CIBAR1: variants seen among roughly 807,000 people sequenced by gnomAD.
CIBAR1 encodes the protein CBY1 interacting BAR domain containing 1.
In CIBAR1, 25 loss-of-function variants were observed where a neutral mutation model predicts 44.0. The observed-to-expected ratio is 0.57, with a 90% CI of 0.41 to 0.79. The LOEUF (loss-of-function observed/expected upper bound fraction) is 0.79. Among genes scored for constraint, CIBAR1 ranks in the 30% least tolerant of loss-of-function variants. The pLI is 0.00. For missense variants in CIBAR1, 278 were observed against 344.8 expected, an observed-to-expected ratio of 0.81 and a Z score of 1.53; for synonymous variants, 115 against 119.0, an observed-to-expected ratio of 0.97 and a Z score of 0.22.
In CIBAR1 at chr8:93,709,672, A is replaced by G. The variant is rs773760672; in HGVS notation, c.439-99A>G. 15 of 905,180 alleles carry G rather than the reference A, an allele frequency of 1.7e-5. No homozygotes were observed. In the African/African-American group the frequency reaches 1.8e-4, roughly 11 times the overall value. The allele number at this position is 905,180 out of a possible 1,614,324, so 56.1% of individuals were successfully genotyped here. On this transcript the variant is annotated intron_variant, in intron 5 of 8. Transcript: ENST00000518322. Reference sequence around the variant, plus strand: ...ATTAACAATTTACACTGTTATGCCAAAAAGCCAGTACTGCAATGGTAGAAT... The same window carrying G: ...ATTAACAATTTACACTGTTATGCCAGAAAGCCAGTACTGCAATGGTAGAAT...
intron 7 of CIBAR1, among the ~76,000 whole-genome samples, chr8:93,723,082 C>T (rs559849404): frequency 4.6e-5 from 7 of 152,294 alleles, no homozygotes; most frequent in South Asian, 2.1e-4. Flanking sequence ...CTGCAAGCTC[C>T]GCCTCCCGGA....
rs1811561945 is a variant in CIBAR1 at position 93,727,306 on chromosome 8, T to C, written c.777+793T>C. On this transcript the variant is annotated intron_variant, in intron 8 of 8. Transcript: ENST00000518322. ...TCTCCTGTAAGCATTTATTTTGTTT[T>C]ATATGTATGTATCTCTCCCCCAACC... 5.3e-6 allele frequency: 4 copies of C among 755,936 alleles called. No homozygotes were observed. In the Admixed American group the frequency reaches 9.9e-5, roughly 19 times the overall value. 46.8% of individuals were successfully genotyped at this position (755,936 alleles called of 1,614,324 possible). A position where few individuals can be genotyped will look rare whatever the true frequency, so the allele number is the denominator to read the frequency against.
intron 8 of CIBAR1, among the ~76,000 whole-genome samples, chr8:93,727,765 C>T (rs1299501416): frequency 6.6e-6 from 1 of 152,202 alleles, no homozygotes; most frequent in Admixed American, 6.5e-5. Context: ...CAACTTAAAA[C>T]TGGTGAATTC....
intron 2 of CIBAR1, among the ~76,000 whole-genome samples, chr8:93,702,757 A>G (rs1810414510): frequency 6.6e-6 from 1 of 152,194 alleles, no homozygotes; most frequent in South Asian, 2.1e-4. Flanking sequence ...CAGAAACTAA[A>G]GAAAAATCAA....
chr8:93,703,558 C>T, intron 2 of CIBAR1, 62 bp from the exon 3 acceptor site: 1 of 955,034 alleles, frequency 1.0e-6, no homozygotes, highest in Non-Finnish European at 1.6e-6. Context: ...TAGTGATTAG[C>T]CTTTTATTTA....
intron 6 of CIBAR1, among the ~76,000 whole-genome samples, chr8:93,714,555 C>T (rs948185139): frequency 1.3e-5 from 2 of 152,068 alleles, no homozygotes; most frequent in Non-Finnish European, 1.5e-5. Flanking sequence ...CAAGTAAAGC[C>T]GCATTTGGGA....
At position 93,705,173 on chromosome 8, in the gene CIBAR1, A is replaced by C. The variant is rs201450280; in HGVS notation, c.432+163A>C. ...AATTCTCACTATAGAAATTTTAAAGAGGTTACGCCACCTAATTCAAATCCC... is the reference window on the plus strand; with the variant it reads ...AATTCTCACTATAGAAATTTTAAAGCGGTTACGCCACCTAATTCAAATCCC... On this transcript the variant is annotated intron_variant, in intron 4 of 8. Transcript: ENST00000518322. 5.6e-6 allele frequency: 3 copies of C among 539,674 alleles called. No homozygotes were observed. The East Asian group carries it at 8.9e-5, about 16-fold the overall frequency. The allele number at this position is 539,674 out of a possible 1,614,324, so 33.4% of individuals were successfully genotyped here.
chr8:93,730,557 A>G lies in CIBAR1; in HGVS notation c.*2260A>G, dbSNP rs751027276. On this transcript the variant is annotated 3_prime_UTR_variant, in exon 9 of 9. Transcript: ENST00000518322. ...CTGAAGCTGAGTGATGTGTACATGA[A>G]AATTTACTATTCTTTTTTTATATTT... is the stretch of plus-strand genomic sequence containing the variant. The G allele has an allele frequency of 1.3e-5, 2 of 152,166 alleles. No homozygotes were observed. Among genetic ancestry groups the G allele is most frequent in the Non-Finnish European group, 1.5e-5 (1 of 68,036 alleles). The allele number at this position is 152,166 out of a possible 1,614,324, so 9.4% of individuals were successfully genotyped here.
intron 2 of CIBAR1, among the ~76,000 whole-genome samples, chr8:93,702,948 T>C (rs1412250572): frequency 6.6e-6 from 1 of 152,174 alleles, no homozygotes; most frequent in Non-Finnish European, 1.5e-5. Flanking sequence ...AAAAAAAATC[T>C]CTCTTCAGTG....
chr8:93,722,766 C>A (rs1811317036), intron 7 of CIBAR1, among the ~76,000 whole-genome samples: 1 of 152,038 alleles, frequency 6.6e-6, no homozygotes, highest in Admixed American at 6.5e-5. Flanking sequence ...ATCTTGAGAA[C>A]TGCTCTTAGA....
chr8:93,700,774 C>T, intron 1 of CIBAR1, 101 bp downstream of exon 1: 9 of 1,378,510 alleles, frequency 6.5e-6, no homozygotes, highest in Non-Finnish European at 8.5e-6. Context: ...CGAATTCCGA[C>T]CCTGAGTGGG....
At chr8:93,726,172 GT>G in intron 7 of CIBAR1, 1 of 400,420 alleles carries the variant, frequency 2.5e-6, no homozygotes, top group Non-Finnish European at 4.5e-6. Context: ...ACTAATTACT[GT>G]TTAATATCTG....
In CIBAR1 at chr8:93,704,972, A is replaced by C. The variant is rs1272393864; in HGVS notation, c.394A>C (p.Arg132=). ...AGCTAAGCAATTAACTCAGTTAGAA[A>C]GAACACGTCAGCGAAACCCATCTGA... ...REAKQLTQLE[R]TRQRNPSDRH... is the part of the protein sequence containing the mutation. The change falls in exon 4 of 9, where the codon AGA becomes CGA. Residue 132 remains arginine (R), a synonymous_variant. Coordinates refer to ENST00000518322, the MANE Select transcript of CIBAR1 (RefSeq NM_145269.5). 1 of 1,612,964 alleles carries C rather than the reference A, an allele frequency of 6.2e-7. No individual in the cohort carries two copies. Among genetic ancestry groups the C allele is most frequent in the Non-Finnish European group, 8.5e-7 (1 of 1,179,544 alleles).
intron 7 of CIBAR1, chr8:93,724,718 T>C (rs1811407361): frequency 9.2e-7 from 1 of 1,081,972 alleles, no homozygotes; most frequent in East Asian, 8.1e-5. Context: ...TAGGCATATA[T>C]AACTATTTAA....
In CIBAR1 at chr8:93,719,350, C is replaced by G. The variant is rs143508928; in HGVS notation, c.657+562C>G. 5.4e-3 allele frequency among the ~76,000 whole-genome samples: 817 copies of G among 152,182 alleles called. 5 individuals carry two copies. The highest frequency in any genetic ancestry group is 7.8e-3 in the Non-Finnish European group (527 of 67,994). ...AGCCATTAAATAAAATACTGTGTAT[C>G]ATTTTGACTGGTGATATAAGCCCAC... On this transcript the variant is annotated intron_variant, in intron 7 of 8. Transcript: ENST00000518322.
At chr8:93,707,282 G>T in intron 4 of CIBAR1, 2 of 403,336 alleles carry the variant, frequency 5.0e-6, no homozygotes, top group Non-Finnish European at 9.8e-6. Context: ...GTTACTTTAG[G>T]TGAGTTGCTA....
At chr8:93,727,378 T>G (rs1487098419) in intron 8 of CIBAR1, 1 of 384,894 alleles carries the variant, frequency 2.6e-6, no homozygotes, top group East Asian at 7.8e-5. Flanking sequence ...GAACATAAAT[T>G]CCATAAATTT....
At chr8:93,703,493 C>A in intron 2 of CIBAR1, 127 bp from the exon 3 acceptor site, 1 of 563,814 alleles carries the variant, frequency 1.8e-6, no homozygotes, top group South Asian at 2.9e-5. Flanking sequence ...TATTACTGTG[C>A]AGCTTAACAG....
rs763958160 is a variant in CIBAR1 at position 93,730,369 on chromosome 8, T to C, written c.*2072T>C. On this transcript the variant is annotated 3_prime_UTR_variant, in exon 9 of 9. Transcript: ENST00000518322. Reference sequence around the variant, plus strand: ...TTTTACCTATCTCTTGGTTGTGGGATTGACTTTCTAGACATGATCTACATT... The same window carrying C: ...TTTTACCTATCTCTTGGTTGTGGGACTGACTTTCTAGACATGATCTACATT... 6.6e-6 allele frequency: 1 copy of C among 152,168 alleles called. No homozygotes were observed. Among genetic ancestry groups the C allele is most frequent in the Non-Finnish European group, 1.5e-5 (1 of 68,026 alleles). 9.4% of individuals were successfully genotyped at this position (152,168 alleles called of 1,614,324 possible).
Sources: allele counts gnomAD v4.1 joint callset (sites outside exome capture counted in the v4.1 genomes callset), GRCh38; gene constraint gnomAD v4.1.1; transcripts MANE v1.5; gene names NCBI Gene and HGNC (gene_info 2026-07-23, HGNC 2026-07-21).